SH3BGR: variants seen among roughly 807,000 people sequenced by gnomAD.
SH3BGR encodes the protein SH3 domain-binding glutamic acid-rich protein.
In SH3BGR, 29 loss-of-function variants were observed where a neutral mutation model predicts 24.5. The observed-to-expected ratio is 1.18, with a 90% CI of 0.88 to 1.61. The LOEUF (loss-of-function observed/expected upper bound fraction) is 1.61. Among genes scored for constraint, SH3BGR ranks in the 40% most tolerant of loss-of-function variants. SH3BGR has a pLI of 0.00. For missense variants in SH3BGR, 162 were observed against 205.8 expected, an observed-to-expected ratio of 0.79 and a Z score of 1.30; for synonymous variants, 55 against 65.7, an observed-to-expected ratio of 0.84 and a Z score of 0.79.
chr21:39,494,196 C>G (rs1223471789), intron 3 of SH3BGR, among the ~76,000 whole-genome samples: 2 of 151,576 alleles, frequency 1.3e-5, no homozygotes, highest in Non-Finnish European at 2.9e-5. Flanking sequence ...ACCATTAACT[C>G]TACTATGTAA....
At chr21:39,461,563 AT>A (rs2077756128) in intron 1 of SH3BGR, among the ~76,000 whole-genome samples, 1 of 152,226 alleles carries the variant, frequency 6.6e-6, no homozygotes, top group African/African-American at 2.4e-5. Context: ...AGGAAATAAC[AT>A]TCAGAAAAAG....
intron 3 of SH3BGR, among the ~76,000 whole-genome samples, chr21:39,477,668 C>T (rs1299328092): frequency 6.6e-6 from 1 of 152,276 alleles, no homozygotes; most frequent in East Asian, 1.9e-4. Context: ...CATCCTGCTG[C>T]ACTGTGGTGG....
intron 3 of SH3BGR, among the ~76,000 whole-genome samples, chr21:39,489,208 A>G (rs1282146393): frequency 2.6e-5 from 4 of 152,218 alleles, no homozygotes; most frequent in African/African-American, 9.6e-5. Context: ...CATTCGAGAG[A>G]TGCCAGGGTC....
upstream of SH3BGR, among the ~76,000 whole-genome samples, chr21:39,449,994 T>C (rs535223050): frequency 2.6e-5 from 4 of 152,286 alleles, no homozygotes; most frequent in South Asian, 6.2e-4. Context: ...TCACCTGATA[T>C]AATCAAGAGA....
intron 2 of SH3BGR, 26 bp downstream of exon 2, chr21:39,462,586 C>T: frequency 2.0e-6 from 3 of 1,474,292 alleles, no homozygotes; most frequent in South Asian, 2.8e-5. Flanking sequence ...TATTAAAAAT[C>T]CTGCTGTGTG....
At chr21:39,488,735 C>T in intron 3 of SH3BGR, 2 of 455,440 alleles carry the variant, frequency 4.4e-6, no homozygotes, top group South Asian at 1.8e-5. Context: ...ATGCTGGCGG[C>T]CGGGCATGAG....
chr21:39,489,244 C>G (rs1466959814), intron 3 of SH3BGR, among the ~76,000 whole-genome samples: 1 of 152,162 alleles, frequency 6.6e-6, no homozygotes, highest in East Asian at 1.9e-4. Context: ...CTGCTGCAGC[C>G]CCCTCCATCC....
rs577140714 is a variant in SH3BGR, at chr21:39,460,203, G to T, written c.46-2172G>T. ...GTGAGTAGGAAAGGAGGAATCTGTGGGAGAAAAGGGTTGTTTTGTTGTGTG... is the reference window on the plus strand; with the variant it reads ...GTGAGTAGGAAAGGAGGAATCTGTGTGAGAAAAGGGTTGTTTTGTTGTGTG... On this transcript the variant is annotated intron_variant, in intron 1 of 6. Transcript: ENST00000333634. Among the ~76,000 whole-genome samples the T allele has an allele frequency of 7.2e-5, 11 of 152,250 alleles. No homozygotes were observed. In the South Asian group the frequency reaches 2.1e-3, roughly 29 times the overall value.
At chr21:39,475,030 T>G in intron 2 of SH3BGR, 105 bp from the exon 3 acceptor site, 45 of 663,032 alleles carry the variant, frequency 6.8e-5, no homozygotes, top group Non-Finnish European at 9.7e-5. Context: ...ACTTTTTGTG[T>G]GAGCTCCTAA....
At chr21:39,453,752 A>G (rs972581354) in intron 1 of SH3BGR, among the ~76,000 whole-genome samples, 1 of 152,178 alleles carries the variant, frequency 6.6e-6, no homozygotes, top group African/African-American at 2.4e-5. Flanking sequence ...GTTAAGCCTC[A>G]ATTTCCTTGT....
At chr21:39,498,550 A>AAATG in intron 3 of SH3BGR, among the ~76,000 whole-genome samples, 1 of 152,340 alleles carries the variant, frequency 6.6e-6, no homozygotes, top group South Asian at 2.1e-4. Context: ...TAAGACATTG[A>AAATG]AATGCAAGCT....
chr21:39,507,099 A>G lies in SH3BGR; in HGVS notation c.406-1899A>G, dbSNP rs1360823017. On this transcript the variant is annotated intron_variant, in intron 4 of 6. Transcript: ENST00000333634. ...CTCTTCTCCTGCACATTATTTGAGC[A>G]CCAAAACTTGGGGTGTCACCAGTGG... Among the ~76,000 whole-genome samples, 3 of 152,204 alleles carry G rather than the reference A, an allele frequency of 2.0e-5. No individual in the cohort carries two copies. In the East Asian group the frequency reaches 5.8e-4, roughly 29 times the overall value.
At chr21:39,479,981 C>CTT (rs1415113628) in intron 3 of SH3BGR, among the ~76,000 whole-genome samples, 1 of 152,044 alleles carries the variant, frequency 6.6e-6, no homozygotes, top group East Asian at 1.9e-4. Flanking sequence ...GAAGCCAAAG[C>CTT]AAATATCTGT....
At chr21:39,459,970 A>C (rs899523145) in intron 1 of SH3BGR, among the ~76,000 whole-genome samples, 1 of 152,206 alleles carries the variant, frequency 6.6e-6, no homozygotes, top group South Asian at 2.1e-4. Flanking sequence ...GGCATCATAC[A>C]TTTTCAGGAG....
Position 39,455,968 on chromosome 21 carries a change from A to G in SH3BGR, c.45+3827A>G, listed in dbSNP as rs372832869. Among the ~76,000 whole-genome samples, 131 of 152,306 alleles carry G rather than the reference A, an allele frequency of 8.6e-4. 1 individual carries two copies. Among genetic ancestry groups the G allele is most frequent in the African/African-American group, 3.0e-3 (124 of 41,564 alleles). ...ACAGTCCCGCAATGGACCTGGATGC[A>G]ATTGCCTGTCTTGTGAAGCTTAATC... On this transcript the variant is annotated intron_variant, in intron 1 of 6. Transcript: ENST00000333634.
intron 3 of SH3BGR, among the ~76,000 whole-genome samples, chr21:39,489,371 G>T (rs2078261915): frequency 6.6e-6 from 1 of 152,232 alleles, no homozygotes; most frequent in Non-Finnish European, 1.5e-5. Context: ...GGAAATCAAG[G>T]TCCAAATGCC....
At chr21:39,493,706 C>T (rs909352436) in intron 3 of SH3BGR, among the ~76,000 whole-genome samples, 3 of 151,906 alleles carry the variant, frequency 2.0e-5, no homozygotes, top group Admixed American at 6.6e-5. Context: ...TGCATTTGGC[C>T]GTGTGGTCAT....
chr21:39,459,620 C>T (rs371299410), intron 1 of SH3BGR, among the ~76,000 whole-genome samples: 3 of 152,028 alleles, frequency 2.0e-5, no homozygotes, highest in Admixed American at 2.0e-4. Flanking sequence ...GCAGCCTCCA[C>T]CTCCCAGGCT....
In SH3BGR at chr21:39,462,442, A is replaced by G. The variant is rs759337149; in HGVS notation, c.113A>G (p.Asp38Gly). Residue 38 changes from aspartate to glycine, a missense_variant, in exon 2 of 7, where the codon GAT (aspartate) becomes GGT (glycine). Physicochemically the swap from Asp to Gly is moderately conservative, Grantham distance 94. Transcript: ENST00000333634. ...AATAAAATCGACTTTAAGGAATTAG[A>G]TATTGCTGGAGATGAAGACAACAGG... ...EANKIDFKEL[D>G]IAGDEDNRRW... 2.5e-6 allele frequency: 4 copies of G among 1,610,228 alleles called. No individual in the cohort carries two copies. The highest frequency in any genetic ancestry group is 3.4e-6 in the Non-Finnish European group (4 of 1,179,174).
Sources: allele counts gnomAD v4.1 joint callset (sites outside exome capture counted in the v4.1 genomes callset), GRCh38; gene constraint gnomAD v4.1.1; transcripts MANE v1.5; gene names NCBI Gene and HGNC (gene_info 2026-07-23, HGNC 2026-07-21).